LRRC4C: variants seen among roughly 807,000 people sequenced by gnomAD.
The protein encoded by LRRC4C is leucine rich repeat containing 4C, also known as leucine-rich repeat-containing protein 4C.
A neutral mutation model predicts 33.6 loss-of-function variants in LRRC4C; 5 were observed. The observed-to-expected ratio is 0.15, with a 90% confidence interval of 0.08 to 0.31. The LOEUF is 0.31. Among genes scored for constraint, LRRC4C ranks in the 10% least tolerant of loss-of-function variants. LRRC4C has a pLI of 1.00. For synonymous variants in LRRC4C, 329 were observed against 302.0 expected (o/e 1.09, Z -0.93); for missense variants, 560 against 796.7 (o/e 0.70, Z 3.58).
Position 40,211,343 on chromosome 11 carries a change from G to A in LRRC4C, c.-96+30176C>T, listed in dbSNP as rs536241126. On this transcript the variant is annotated intron_variant, in intron 5 of 6. Transcript: ENST00000528697. ...GAAAATAAGCTTCTCTGTTAGATAT[G>A]TGCTTTTATGGGAATTTTTCTCAGT... 2.6e-5 allele frequency among the ~76,000 whole-genome samples: 4 copies of A among 152,216 alleles called. No homozygotes were observed. The East Asian group carries it at 7.7e-4, about 29-fold the overall frequency.
At chr11:41,390,146 G>C (rs931309207) in intron 1 of LRRC4C, among the ~76,000 whole-genome samples, 16 of 151,878 alleles carry the variant, frequency 1.1e-4, no homozygotes, top group African/African-American at 3.1e-4. Context: ...GGATTTGAGG[G>C]ATATAGAATA....
chr11:40,996,035 C>T (rs1853944224), intron 1 of LRRC4C, among the ~76,000 whole-genome samples: 1 of 152,056 alleles, frequency 6.6e-6, no homozygotes, highest in African/African-American at 2.4e-5. Flanking sequence ...TTACATAGTT[C>T]CACTGTTCAT....
chr11:41,454,432 CCTT>C (rs1956118320), intron 1 of LRRC4C, among the ~76,000 whole-genome samples: 1 of 152,048 alleles, frequency 6.6e-6, no homozygotes, highest in African/African-American at 2.4e-5. Context: ...AGCAGAGAAT[CCTT>C]CTAATACTCC....
intron 1 of LRRC4C, among the ~76,000 whole-genome samples, chr11:41,158,317 G>A (rs968239576): frequency 6.6e-6 from 1 of 152,010 alleles, no homozygotes; most frequent in African/African-American, 2.4e-5. Context: ...AAACTGGAAG[G>A]TTTTTCAAAG....
chr11:41,056,645 C>T (rs1858639535), intron 1 of LRRC4C, among the ~76,000 whole-genome samples: 2 of 152,040 alleles, frequency 1.3e-5, no homozygotes, highest in South Asian at 4.1e-4. Context: ...ATGTGGTCAA[C>T]AAACATGTAA....
chr11:41,364,862 T>G (rs954481340), intron 1 of LRRC4C, among the ~76,000 whole-genome samples: 1 of 152,166 alleles, frequency 6.6e-6, no homozygotes, highest in African/African-American at 2.4e-5. Context: ...ACAAATTCAC[T>G]GAGTTTCAAC....
At chr11:40,960,656 T>C (rs1255353002) in intron 1 of LRRC4C, among the ~76,000 whole-genome samples, 1 of 151,762 alleles carries the variant, frequency 6.6e-6, no homozygotes, top group African/African-American at 2.4e-5. Context: ...AACATGTTGG[T>C]CATCCAAGCC....
intron 2 of LRRC4C, among the ~76,000 whole-genome samples, chr11:40,910,643 T>C (rs1164374626): frequency 6.6e-6 from 1 of 152,174 alleles, no homozygotes; most frequent in African/African-American, 2.4e-5. Flanking sequence ...GAATGATTTC[T>C]GCATTTCCAA....
At chr11:41,300,190 T>A (rs547544912) in intron 1 of LRRC4C, among the ~76,000 whole-genome samples, 2 of 152,276 alleles carry the variant, frequency 1.3e-5, no homozygotes, top group South Asian at 4.1e-4. Flanking sequence ...TACTAACACT[T>A]AGCAGTTTTA....
At chr11:40,488,264 C>G (rs1953966324) in intron 3 of LRRC4C, among the ~76,000 whole-genome samples, 2 of 150,382 alleles carry the variant, frequency 1.3e-5, no homozygotes, top group Admixed American at 1.3e-4. Context: ...CAAAAGCACG[C>G]ATACAGGGTG....
At chr11:40,861,860 G>A (rs940240871) in intron 2 of LRRC4C, among the ~76,000 whole-genome samples, 1 of 152,092 alleles carries the variant, frequency 6.6e-6, no homozygotes, top group South Asian at 2.1e-4. Flanking sequence ...GGGTGGGGAG[G>A]TGCCAGGCTC....
chr11:41,367,661 A>C (rs1350653772), intron 1 of LRRC4C, among the ~76,000 whole-genome samples: 1 of 152,060 alleles, frequency 6.6e-6, no homozygotes. Context: ...CTGTATATAC[A>C]TACCCCTTCT....
chr11:41,113,474 G>T (rs77637930), intron 1 of LRRC4C, among the ~76,000 whole-genome samples: 1,693 of 152,158 alleles, frequency 0.011, 39 homozygotes, highest in African/African-American at 0.039. Context: ...CACAGGCAGA[G>T]ACCAAATTTC....
intron 2 of LRRC4C, among the ~76,000 whole-genome samples, chr11:40,747,435 A>G (rs537582998): frequency 2.6e-5 from 4 of 152,206 alleles, no homozygotes; most frequent in Non-Finnish European, 5.9e-5. Flanking sequence ...AATTTAAAAG[A>G]TAGAAAAAAG....
chr11:40,363,936 T>G (rs1230144592), intron 3 of LRRC4C, among the ~76,000 whole-genome samples: 1 of 152,180 alleles, frequency 6.6e-6, no homozygotes, highest in Non-Finnish European at 1.5e-5. Context: ...ATTATAATAT[T>G]TTTTGCTTAC....
intron 3 of LRRC4C, among the ~76,000 whole-genome samples, chr11:40,471,482 CA>C (rs1358104851): frequency 6.6e-6 from 1 of 151,988 alleles, no homozygotes; most frequent in African/African-American, 2.4e-5. Context: ...CATTAACTAA[CA>C]GGCAAAATAA....
intron 1 of LRRC4C, among the ~76,000 whole-genome samples, chr11:41,111,892 C>T (rs1941852965): frequency 6.6e-6 from 1 of 151,682 alleles, no homozygotes; most frequent in Admixed American, 6.6e-5. Flanking sequence ...AGAAATATAC[C>T]CAGATTCAGT....
At chr11:40,324,973 T>C (rs1029876596) in intron 3 of LRRC4C, among the ~76,000 whole-genome samples, 2 of 152,186 alleles carry the variant, frequency 1.3e-5, no homozygotes, top group East Asian at 1.9e-4. Context: ...AATTAATAAA[T>C]ACACAAAGAT....
At chr11:40,856,469 C>A (rs912575370) in intron 2 of LRRC4C, among the ~76,000 whole-genome samples, 1 of 152,124 alleles carries the variant, frequency 6.6e-6, no homozygotes, top group African/African-American at 2.4e-5. Context: ...CATTCATTAG[C>A]GCATTTTATC....
Sources: allele counts gnomAD v4.1 joint callset (sites outside exome capture counted in the v4.1 genomes callset), GRCh38; gene constraint gnomAD v4.1.1; transcripts MANE v1.5; gene names NCBI Gene and HGNC (gene_info 2026-07-23, HGNC 2026-07-21).